The following FAP variants were observed in gnomAD, a reference collection of about 807,000 sequenced individuals.
The protein encoded by FAP is fibroblast activation protein alpha, also known as prolyl endopeptidase FAP.
In FAP, 110 loss-of-function variants were observed where a neutral mutation model predicts 126.5. That is an observed-to-expected ratio of 0.87 (90% CI 0.74 to 1.02). The LOEUF (loss-of-function observed/expected upper bound fraction) is 1.02, where lower values mean the gene tolerates loss of function less well. FAP is among the 50% of genes least tolerant of loss of function. The pLI, the probability that FAP is intolerant of heterozygous loss-of-function variation, is 0.00. For synonymous variants in FAP, 334 were observed against 297.3 expected (o/e 1.12, Z -1.27); for missense variants, 919 against 909.2 (o/e 1.01, Z -0.14).
chr2:162,219,953 A>G (rs1689318148), intron 6 of FAP, 28 bp from the exon 7 acceptor site: 2 of 1,493,326 alleles, frequency 1.3e-6, no homozygotes, highest in Non-Finnish European at 1.9e-6. Flanking sequence ...AAGAAAAACA[A>G]CAAACCTTGC....
At chr2:162,213,325 C>T (rs1201866050) in intron 11 of FAP, among the ~76,000 whole-genome samples, 1 of 150,000 alleles carries the variant, frequency 6.7e-6, no homozygotes, top group Non-Finnish European at 1.5e-5. Context: ...GCAGTGAGTC[C>T]AGATTGCGCC....
chr2:162,200,727 A>G, intron 14 of FAP, 108 bp from the exon 15 acceptor site: 1 of 549,548 alleles, frequency 1.8e-6, no homozygotes, highest in Non-Finnish European at 3.2e-6. Context: ...ATCTAATGAA[A>G]CAATTAATTG....
At chr2:162,213,409 AAAACAAAAAAC>A (rs1360612449) in intron 11 of FAP, among the ~76,000 whole-genome samples, 1 of 151,098 alleles carries the variant, frequency 6.6e-6, no homozygotes, top group Non-Finnish European at 1.5e-5. Context: ...ACAAACAAAA[AAAACAAAAAAC>A]AAACAAAAAA....
chr2:162,194,109 C>T (rs57445315), intron 17 of FAP: 1 of 152,306 alleles, frequency 6.6e-6, no homozygotes, highest in Non-Finnish European at 1.5e-5. Context: ...GGAGGACTGT[C>T]TTGATAGCAG....
At chr2:162,195,995 C>T (rs1428380845) in intron 16 of FAP, among the ~76,000 whole-genome samples, 1 of 152,066 alleles carries the variant, frequency 6.6e-6, no homozygotes, top group African/African-American at 2.4e-5. Context: ...ATGAGTAGCT[C>T]CTTCTGTCTT....
chr2:162,228,260 G>T (rs533550445), intron 2 of FAP, among the ~76,000 whole-genome samples: 2 of 152,186 alleles, frequency 1.3e-5, no homozygotes, highest in South Asian at 4.1e-4. Flanking sequence ...TAGATCTCTG[G>T]TGCCTAGGCT....
At chr2:162,206,380 A>G (rs533450133) in intron 12 of FAP, among the ~76,000 whole-genome samples, 1 of 152,358 alleles carries the variant, frequency 6.6e-6, no homozygotes, top group African/African-American at 2.4e-5. Context: ...AAAGCCATTT[A>G]AAATATTTTA....
chr2:162,216,247 T>G (rs1244528770), intron 9 of FAP, among the ~76,000 whole-genome samples: 1 of 152,112 alleles, frequency 6.6e-6, no homozygotes, highest in Non-Finnish European at 1.5e-5. Flanking sequence ...GCTTTAAAAT[T>G]TATAGGGAAA....
chr2:162,233,523 C>T (rs1689983434), intron 2 of FAP, among the ~76,000 whole-genome samples: 1 of 152,046 alleles, frequency 6.6e-6, no homozygotes, highest in African/African-American at 2.4e-5. Flanking sequence ...TGTATATCTT[C>T]CTTAGCAAAA....
chr2:162,206,850 G>A (rs890938197), intron 12 of FAP, among the ~76,000 whole-genome samples: 2 of 152,186 alleles, frequency 1.3e-5, no homozygotes, highest in Admixed American at 1.3e-4. Context: ...AAAGTTCGCA[G>A]GAAACCTATT....
Position 162,172,740 on chromosome 2 carries a change from T to A in FAP, c.2181+71A>T. 6 of 1,005,744 alleles carry A rather than the reference T, an allele frequency of 6.0e-6. No homozygotes were observed. In the South Asian group the frequency reaches 7.0e-5, roughly 12 times the overall value. The allele number at this position is 1,005,744 out of a possible 1,614,324, so 62.3% of individuals were successfully genotyped here. A position where few individuals can be genotyped will look rare whatever the true frequency, so the allele number is the denominator to read the frequency against. On this transcript the variant is annotated intron_variant, in intron 25 of 25. Coordinates refer to ENST00000188790, the MANE Select transcript of FAP (RefSeq NM_004460.5). ...ATTTTACTTTAAAAGTTAAAAAAAA[T>A]AAAAATATGAACCCCTCCTTTTAGC...
intron 21 of FAP, among the ~76,000 whole-genome samples, chr2:162,180,589 G>A (rs1401295768): frequency 2.0e-5 from 3 of 152,176 alleles, no homozygotes; most frequent in African/African-American, 7.2e-5. Context: ...GATGAGAACA[G>A]ACTTTGATGT....
chr2:162,221,419 G>A (rs1576184822), intron 6 of FAP, among the ~76,000 whole-genome samples: 1 of 152,080 alleles, frequency 6.6e-6, no homozygotes, highest in African/African-American at 2.4e-5. Flanking sequence ...TAGCTACTTA[G>A]GAGGCTGAGG....
chr2:162,174,975 A>G lies in FAP; in HGVS notation c.1870-9T>C, dbSNP rs757744226. 6 of 1,585,286 alleles carry G rather than the reference A, an allele frequency of 3.8e-6. No homozygotes were observed. The highest frequency in any genetic ancestry group is 5.2e-6 in the Non-Finnish European group (6 of 1,155,158). On this transcript the variant is annotated splice_polypyrimidine_tract_variant and intron_variant, in intron 21 of 25. Coordinates refer to ENST00000188790, the MANE Select transcript of FAP (RefSeq NM_004460.5). Reference sequence around the variant, plus strand: ...ACGTATCCTCCATAGGACTGTAGAGACATTGTTATGAGTCAGACTCAGATT... The same window carrying G: ...ACGTATCCTCCATAGGACTGTAGAGGCATTGTTATGAGTCAGACTCAGATT...
chr2:162,205,006 C>T (rs568058942), intron 12 of FAP, among the ~76,000 whole-genome samples: 2 of 152,102 alleles, frequency 1.3e-5, no homozygotes, highest in African/African-American at 2.4e-5. Flanking sequence ...AAGGTAGATG[C>T]CTCATCACTC....
At chr2:162,223,554 G>GA in intron 6 of FAP, 54 bp downstream of exon 6, 1 of 1,121,736 alleles carries the variant, frequency 8.9e-7, no homozygotes, top group Non-Finnish European at 1.3e-6. Context: ...AGTTTGGAAT[G>GA]AAAACATTCT....
chr2:162,193,308 T>C (rs2106232645), intron 17 of FAP, among the ~76,000 whole-genome samples: 1 of 152,216 alleles, frequency 6.6e-6, no homozygotes, highest in East Asian at 1.9e-4. Context: ...AGGAGAATAA[T>C]TTCACATTAG....
In FAP at chr2:162,198,799, T is replaced by C. The variant is rs1383266277; in HGVS notation, c.1360A>G (p.Ser454Gly). The change falls in exon 16 of 26, where the codon AGT becomes GGT. Residue 454 changes from serine (S) to glycine (G), a missense_variant. By Grantham distance (56) the Ser-to-Gly change is moderately conservative. Coordinates refer to ENST00000188790, the MANE Select transcript of FAP (RefSeq NM_004460.5). The stretch of plus-strand genomic sequence containing the variant: ...TAGTACTTGGCGTAGTCGCTGAAAC[T>C]TGCTGTGTAATATTGGCACCTTTCT... Reference protein sequence around the residue: ...RKERCQYYTASFSDYAKYYAL... With the variant: ...RKERCQYYTAGFSDYAKYYAL... The C allele has an allele frequency of 1.2e-6, 2 of 1,614,020 alleles. No homozygotes were observed. Among genetic ancestry groups the C allele is most frequent in the Admixed American group, 1.7e-5 (1 of 59,996 alleles).
intron 16 of FAP, among the ~76,000 whole-genome samples, chr2:162,197,298 C>T (rs1045706934): frequency 5.3e-5 from 8 of 152,096 alleles, no homozygotes; most frequent in Admixed American, 3.3e-4. Context: ...GAATGTAGCC[C>T]CTGCCTTCCA....
Sources: gnomAD v4.1 joint callset for allele counts (sites outside exome capture counted in the v4.1 genomes callset) on GRCh38, gnomAD v4.1.1 for gene constraint, MANE v1.5 for transcripts, NCBI Gene and HGNC (gene_info 2026-07-23, HGNC 2026-07-21) for gene names.